The following ITPRID1 variants were observed in gnomAD, a reference collection of about 807,000 sequenced individuals.
ITPRID1 encodes the protein ITPR interacting domain containing 1.
In ITPRID1, 96 loss-of-function variants were observed where a neutral mutation model predicts 95.4. The ratio of observed to expected loss-of-function variants is 1.01; its 90% CI spans 0.85 to 1.19. The LOEUF (loss-of-function observed/expected upper bound fraction) is 1.19, where lower values mean the gene tolerates loss of function less well. Ranked by LOEUF, ITPRID1 falls within the 50% of genes most tolerant of loss-of-function variation. The probability of loss-of-function intolerance (pLI) is 0.00; values close to 1 mark genes in which losing one functional copy is unlikely to be tolerated. For missense variants in ITPRID1, 1,339 were observed against 1,252.9 expected (o/e 1.07, Z -1.04); for synonymous variants, 510 against 453.6 (o/e 1.12, Z -1.58).
At chr7:31,531,733 T>C (rs1783603473) in intron 1 of ITPRID1, among the ~76,000 whole-genome samples, 1 of 152,164 alleles carries the variant, frequency 6.6e-6, no homozygotes, top group African/African-American at 2.4e-5. Context: ...TTAAGATCCA[T>C]GGGTGTTTTT....
At chr7:31,560,845 G>T (rs1784599255) in intron 5 of ITPRID1, among the ~76,000 whole-genome samples, 1 of 152,176 alleles carries the variant, frequency 6.6e-6, no homozygotes, top group Non-Finnish European at 1.5e-5. Context: ...CAGAGGAAAG[G>T]TCCGGGAATA....
chr7:31,653,035 C>T lies in ITPRID1; in HGVS notation c.*206C>T, dbSNP rs1372847902. The T allele has an allele frequency of 6.8e-6, 9 of 1,317,906 alleles. No individual in the cohort carries two copies. Among genetic ancestry groups the T allele is most frequent in the Middle Eastern group, 2.7e-4 (1 of 3,644 alleles). The allele number at this position is 1,317,906 out of a possible 1,614,324, so 81.6% of individuals were successfully genotyped here. A position where few individuals can be genotyped will look rare whatever the true frequency, so the allele number is the denominator to read the frequency against. ...AGAATAACTGAGCACCTAGTATGTG[C>T]CTGGCACAGAGTATGCAACAGTGAC... On this transcript the variant is annotated 3_prime_UTR_variant, in exon 15 of 15. Coordinates refer to ENST00000615280, the MANE Select transcript of ITPRID1 (RefSeq NM_001257967.3).
At chr7:31,529,856 T>G (rs532122908) in intron 1 of ITPRID1, 6 of 1,505,928 alleles carry the variant, frequency 4.0e-6, no homozygotes, top group Non-Finnish European at 3.6e-6. Context: ...TTTTTTTTCT[T>G]TTAATCCAGC....
intron 1 of ITPRID1, among the ~76,000 whole-genome samples, chr7:31,523,887 A>G (rs960257901): frequency 2.6e-5 from 4 of 152,182 alleles, no homozygotes; most frequent in African/African-American, 9.6e-5. Flanking sequence ...TTAGGATTGA[A>G]TCAGAAGCCT....
At chr7:31,640,082 A>G (rs1334659725) in intron 10 of ITPRID1, among the ~76,000 whole-genome samples, 2 of 152,228 alleles carry the variant, frequency 1.3e-5, no homozygotes. Context: ...ACTTGGAAAC[A>G]GTTTAAGTCT....
At chr7:31,550,716 AT>A (rs972906174) in intron 2 of ITPRID1, among the ~76,000 whole-genome samples, 2 of 102,956 alleles carry the variant, frequency 1.9e-5, no homozygotes, top group Non-Finnish European at 4.9e-5. Context: ...AAGGGTTCCC[AT>A]TTTCTTTGGC....
chr7:31,625,165 A>G (rs185206250), intron 10 of ITPRID1, among the ~76,000 whole-genome samples: 18,141 of 152,166 alleles, frequency 0.12, 1,231 homozygotes, highest in Middle Eastern at 0.18. Context: ...ACACTTTTAC[A>G]TTGTTGGTGG....
At chr7:31,606,471 GA>G (rs5883294) in intron 10 of ITPRID1, among the ~76,000 whole-genome samples, 52 of 151,256 alleles carry the variant, frequency 3.4e-4, no homozygotes, top group Non-Finnish European at 5.2e-4. Flanking sequence ...GAGAGAGAGA[GA>G]GGAAAAAAAA....
chr7:31,542,737 C>T lies in ITPRID1; in HGVS notation c.-97-6689C>T, dbSNP rs552017577. On this transcript the variant is annotated intron_variant, in intron 1 of 14. Transcript: ENST00000615280. ...GGGCTGAGTTACAGTTTTGTAGCCTCTATGCCAAATTTTGACACCTTATAG... is the reference window on the plus strand; with the variant it reads ...GGGCTGAGTTACAGTTTTGTAGCCTTTATGCCAAATTTTGACACCTTATAG... Among the ~76,000 whole-genome samples, 5 of 152,214 alleles carry T rather than the reference C, an allele frequency of 3.3e-5. No homozygotes were observed. The East Asian group carries it at 9.6e-4, about 29-fold the overall frequency.
intron 10 of ITPRID1, among the ~76,000 whole-genome samples, chr7:31,617,750 A>G (rs1487653653): frequency 6.6e-6 from 1 of 152,210 alleles, no homozygotes; most frequent in Non-Finnish European, 1.5e-5. Flanking sequence ...ACCTAAAATG[A>G]GTTCAATGAG....
chr7:31,586,212 GC>G (rs1785598751), intron 10 of ITPRID1, among the ~76,000 whole-genome samples: 1 of 127,118 alleles, frequency 7.9e-6, no homozygotes, highest in Non-Finnish European at 1.6e-5. Context: ...GTGTATATGT[GC>G]CACATTTTCT....
At chr7:31,624,681 C>T (rs1211443088) in intron 10 of ITPRID1, among the ~76,000 whole-genome samples, 5 of 150,092 alleles carry the variant, frequency 3.3e-5, no homozygotes, top group Admixed American at 3.3e-4. Flanking sequence ...AGAAGAAAAC[C>T]TAGGCATTAC....
chr7:31,656,966 C>T (rs979802123), downstream of ITPRID1, among the ~76,000 whole-genome samples: 1 of 148,810 alleles, frequency 6.7e-6, no homozygotes, highest in Non-Finnish European at 1.5e-5. Flanking sequence ...ATACCACCCC[C>T]GATTCTCAGG....
At chr7:31,608,857 T>A (rs569822292) in intron 10 of ITPRID1, among the ~76,000 whole-genome samples, 2 of 151,758 alleles carry the variant, frequency 1.3e-5, no homozygotes, top group South Asian at 4.1e-4. Context: ...TGCCTTATTA[T>A]CCTGGAAATA....
chr7:31,515,144 G>T (rs1783005124), intron 1 of ITPRID1, among the ~76,000 whole-genome samples: 1 of 152,040 alleles, frequency 6.6e-6, no homozygotes, highest in African/African-American at 2.4e-5. Context: ...AGAAGTGGGA[G>T]AGTTTGGAGG....
At chr7:31,597,087 A>G (rs987367758) in intron 10 of ITPRID1, among the ~76,000 whole-genome samples, 13 of 152,004 alleles carry the variant, frequency 8.6e-5, no homozygotes, top group African/African-American at 3.1e-4. Flanking sequence ...TCATAATTTA[A>G]AAACAAAACA....
chr7:31,610,036 T>A (rs1024555829), intron 10 of ITPRID1, among the ~76,000 whole-genome samples: 1 of 151,638 alleles, frequency 6.6e-6, no homozygotes. Flanking sequence ...ATTTGACCCA[T>A]TACTTAGGAG....
rs536482853 is a variant in ITPRID1, at chr7:31,517,141, T to C, written c.-98+3021T>C. On this transcript the variant is annotated intron_variant, in intron 1 of 14. Coordinates refer to ENST00000615280, the MANE Select transcript of ITPRID1 (RefSeq NM_001257967.3). Reference sequence around the variant, plus strand: ...AAACCTAGCAGATTTCAGGTTTTGGTTCGGGTGGCCTGCTTTTATTCCCTT... The same window carrying C: ...AAACCTAGCAGATTTCAGGTTTTGGCTCGGGTGGCCTGCTTTTATTCCCTT... 1.8e-3 allele frequency among the ~76,000 whole-genome samples: 269 copies of C among 152,308 alleles called. 1 individual carries two copies. The highest frequency in any genetic ancestry group is 5.8e-3 in the African/African-American group (243 of 41,560).
At chr7:31,537,096 T>G (rs13311450) in intron 1 of ITPRID1, among the ~76,000 whole-genome samples, 1 of 4,826 alleles carries the variant, frequency 2.1e-4, no homozygotes, top group Non-Finnish European at 3.6e-4. Context: ...GTGTGTGTGT[T>G]GTGTGTGTGT....
Sources: gnomAD v4.1 joint callset for allele counts (sites outside exome capture counted in the v4.1 genomes callset) on GRCh38, gnomAD v4.1.1 for gene constraint, MANE v1.5 for transcripts, NCBI Gene and HGNC (gene_info 2026-07-23, HGNC 2026-07-21) for gene names.